MOCOS: variants seen among roughly 807,000 people sequenced by gnomAD.
The protein encoded by MOCOS is human molybdenum cofactor sulfurase.
MOCOS carries 86 observed loss-of-function variants against 83.6 expected under a neutral mutation model. The observed-to-expected ratio is 1.03, with a 90% CI of 0.86 to 1.23. The LOEUF (loss-of-function observed/expected upper bound fraction) is 1.23. Among genes scored for constraint, MOCOS ranks in the 50% most tolerant of loss-of-function variants. The pLI, the probability that MOCOS is intolerant of heterozygous loss-of-function variation, is 0.00. For missense variants in MOCOS, 1,120 were observed against 1,126.9 expected (o/e 0.99, Z 0.09); for synonymous variants, 445 against 434.7 (o/e 1.02, Z -0.29).
intron 9 of MOCOS, among the ~76,000 whole-genome samples, chr18:36,241,383 G>A (rs2091582202): frequency 6.6e-6 from 1 of 152,204 alleles, no homozygotes; most frequent in Non-Finnish European, 1.5e-5. Flanking sequence ...TTGTAAGTCT[G>A]AAATCCAGCA....
Position 36,243,403 on chromosome 18 carries a change from G to A in MOCOS, c.1961-5519G>A, listed in dbSNP as rs190103369. Among the ~76,000 whole-genome samples, 138 of 152,146 alleles carry A rather than the reference G, an allele frequency of 9.1e-4. 1 individual carries two copies. The highest frequency in any genetic ancestry group is 8.9e-3 in the Admixed American group (136 of 15,274). ...TTTTGTTTTTACTCCTGTTTATGTG[G>A]CATATCACATTTATTGACTTGTGTA... On this transcript the variant is annotated intron_variant, in intron 9 of 14. Transcript: ENST00000261326.
chr18:36,224,729 A>C (rs2091508999), intron 9 of MOCOS, among the ~76,000 whole-genome samples: 1 of 152,204 alleles, frequency 6.6e-6, no homozygotes, highest in Non-Finnish European at 1.5e-5. Context: ...ATTGGCCTGC[A>C]GTTGTCTTTG....
chr18:36,262,025 G>A lies in MOCOS; in HGVS notation c.2409+1850G>A, dbSNP rs536681415. Among the ~76,000 whole-genome samples, 954 of 152,116 alleles carry A rather than the reference G, an allele frequency of 6.3e-3. 4 individuals are homozygous for A. The highest frequency in any genetic ancestry group is 0.01 in the Non-Finnish European group (701 of 68,008). On this transcript the variant is annotated intron_variant, in intron 13 of 14. Transcript: ENST00000261326. ...AGGTATCTCGAGACATAAATATAAG[G>A]AAGACTCTTTAAGGAACCTTTCTGA...
chr18:36,231,960 T>C (rs1025428923), intron 9 of MOCOS, among the ~76,000 whole-genome samples: 2 of 151,922 alleles, frequency 1.3e-5, no homozygotes, highest in Non-Finnish European at 2.9e-5. Flanking sequence ...ATTAAAATTC[T>C]TTTTTTTGTT....
At chr18:36,198,905 A>C (rs1024216889) in intron 3 of MOCOS, 149 bp downstream of exon 3, 16 of 830,424 alleles carry the variant, frequency 1.9e-5, no homozygotes, top group South Asian at 1.6e-4. Context: ...GAGAAACATC[A>C]GAGTCAGAGC....
chr18:36,232,765 T>C (rs2091543071), intron 9 of MOCOS, among the ~76,000 whole-genome samples: 1 of 152,098 alleles, frequency 6.6e-6, no homozygotes, highest in Non-Finnish European at 1.5e-5. Flanking sequence ...ATGCCTGGCT[T>C]ATTTTACTTA....
chr18:36,237,352 A>G (rs1395627052), intron 9 of MOCOS, among the ~76,000 whole-genome samples: 1 of 151,982 alleles, frequency 6.6e-6, no homozygotes, highest in East Asian at 1.9e-4. Flanking sequence ...AGGTTGTTGA[A>G]TTTTGTCAAA....
At chr18:36,233,170 A>G (rs1326884513) in intron 9 of MOCOS, among the ~76,000 whole-genome samples, 1 of 151,514 alleles carries the variant, frequency 6.6e-6, no homozygotes, top group Non-Finnish European at 1.5e-5. Flanking sequence ...TTATCTCTCA[A>G]CTCCCCTCCA....
chr18:36,218,980 T>C (rs1352488747), intron 8 of MOCOS, among the ~76,000 whole-genome samples: 3 of 150,116 alleles, frequency 2.0e-5, no homozygotes, highest in Non-Finnish European at 3.0e-5. Flanking sequence ...TTGATTCTCC[T>C]GCCTCAGCCT....
intron 2 of MOCOS, among the ~76,000 whole-genome samples, chr18:36,196,905 A>T (rs1691399083): frequency 6.6e-6 from 1 of 152,092 alleles, no homozygotes; most frequent in Admixed American, 6.6e-5. Context: ...AAAAAGTCTA[A>T]AACTAAAGGG....
Position 36,269,007 on chromosome 18 carries a change from G to T in MOCOS, c.*322G>T. ...GTTCACTGGGAAGATTGAACTTACT[G>T]CGGGTCCCTATTTTGCCATTTTCTC... On this transcript the variant is annotated 3_prime_UTR_variant, in exon 15 of 15. Coordinates refer to ENST00000261326, the MANE Select transcript of MOCOS (RefSeq NM_017947.4). 1 of 329,454 alleles carries T rather than the reference G, an allele frequency of 3.0e-6. No individual in the cohort carries two copies. Among genetic ancestry groups the T allele is most frequent in the Non-Finnish European group, 5.6e-6 (1 of 177,068 alleles). The allele number at this position is 329,454 out of a possible 1,614,324, so 20.4% of individuals were successfully genotyped here. A position where few individuals can be genotyped will look rare whatever the true frequency, so the allele number is the denominator to read the frequency against.
chr18:36,253,662 CT>C (rs2091630006), intron 11 of MOCOS, among the ~76,000 whole-genome samples: 1 of 142,978 alleles, frequency 7.0e-6, no homozygotes, highest in Non-Finnish European at 1.5e-5. Flanking sequence ...AAGACTCTGT[CT>C]CAAAAAAAAA....
chr18:36,196,891 A>G (rs749630278), intron 2 of MOCOS, among the ~76,000 whole-genome samples: 2 of 151,074 alleles, frequency 1.3e-5, no homozygotes, highest in Admixed American at 1.3e-4. Context: ...ATTTTGGAGG[A>G]AAAAAAAAGT....
intron 9 of MOCOS, among the ~76,000 whole-genome samples, chr18:36,240,432 C>T (rs938962947): frequency 6.6e-6 from 1 of 150,610 alleles, no homozygotes; most frequent in African/African-American, 2.5e-5. Context: ...GGGGTGCCTC[C>T]CAGTTAGGCT....
intron 9 of MOCOS, among the ~76,000 whole-genome samples, chr18:36,236,004 T>G (rs961752963): frequency 6.8e-6 from 1 of 148,068 alleles, no homozygotes; most frequent in African/African-American, 2.5e-5. Context: ...TAAATTTGTT[T>G]GAGTTCATTG....
chr18:36,222,439 CAG>C (rs1242536643), intron 9 of MOCOS, among the ~76,000 whole-genome samples: 5 of 152,116 alleles, frequency 3.3e-5, no homozygotes, highest in African/African-American at 4.8e-5. Context: ...GCCATCCTGA[CAG>C]GGGTAGAGTG....
intron 9 of MOCOS, among the ~76,000 whole-genome samples, chr18:36,224,571 T>C (rs2091508408): frequency 6.6e-6 from 1 of 152,366 alleles, no homozygotes; most frequent in Middle Eastern, 3.4e-3. Flanking sequence ...ATTCTGTTAA[T>C]GTAGTATGTC....
At chr18:36,224,886 T>C (rs745679920) in intron 9 of MOCOS, among the ~76,000 whole-genome samples, 22 of 152,216 alleles carry the variant, frequency 1.4e-4, no homozygotes, top group Non-Finnish European at 2.8e-4. Flanking sequence ...GCCATTTGGA[T>C]GTAGGCTTTT....
chr18:36,235,639 A>G (rs2091555299), intron 9 of MOCOS, among the ~76,000 whole-genome samples: 2 of 149,902 alleles, frequency 1.3e-5, no homozygotes. Context: ...TCCTTTGGGT[A>G]TATACCCAGT....
Sources: gnomAD v4.1 joint callset for allele counts (sites outside exome capture counted in the v4.1 genomes callset) on GRCh38, gnomAD v4.1.1 for gene constraint, MANE v1.5 for transcripts, NCBI Gene and HGNC (gene_info 2026-07-23, HGNC 2026-07-21) for gene names.